MX1: variants seen among roughly 807,000 people sequenced by gnomAD.
MX1 encodes the protein interferon-induced GTP-binding protein Mx1.
MX1 carries 66 observed loss-of-function variants against 66.4 expected under a neutral mutation model. The ratio of observed to expected loss-of-function variants is 0.99; its 90% confidence interval spans 0.82 to 1.22. The LOEUF (loss-of-function observed/expected upper bound fraction) is 1.22. Among genes scored for constraint, MX1 ranks in the 50% most tolerant of loss-of-function variants. MX1 has a pLI of 0.00. For synonymous variants in MX1, 311 were observed against 318.1 expected, an observed-to-expected ratio of 0.98 and a Z score of 0.24; for missense variants, 787 against 834.3, an observed-to-expected ratio of 0.94 and a Z score of 0.70.
In MX1 at chr21:41,451,181, G is replaced by C. The variant is rs760255464; in HGVS notation, c.1447G>C (p.Ala483Pro). ...TCTTTGATTAGATATGGTCCGGCTTGCTTTCACAGATGTTTCGATAAAAAA... is the reference window on the plus strand; with the variant it reads ...TCTTTGATTAGATATGGTCCGGCTTCCTTTCACAGATGTTTCGATAAAAAA... ...LHTVTDMVRLAFTDVSIKNFE... is the reference protein window; with the variant it reads ...LHTVTDMVRLPFTDVSIKNFE... Residue 483 changes from alanine (A) to proline (P), a missense_variant, in exon 15 of 17, where the codon GCT becomes CCT. Coordinates refer to ENST00000398598, the MANE Select transcript of MX1 (RefSeq NM_002462.5). 2 of 1,611,636 alleles carry C rather than the reference G, an allele frequency of 1.2e-6. No homozygotes were observed. The highest frequency in any genetic ancestry group is 1.1e-5 in the South Asian group (1 of 90,954).
chr21:41,421,192 A>G (rs2089989487), intron 1 of MX1: 1 of 152,252 alleles, frequency 6.6e-6, no homozygotes, highest in Admixed American at 6.5e-5. Context: ...AGATATGCAT[A>G]CACATAAACG....
Position 41,458,817 on chromosome 21 carries a change from A to G in MX1, c.*59A>G. The G allele has an allele frequency of 6.4e-7, 1 of 1,565,716 alleles. No homozygotes were observed. Among genetic ancestry groups the G allele is most frequent in the Non-Finnish European group, 8.6e-7 (1 of 1,158,866 alleles). On this transcript the variant is annotated 3_prime_UTR_variant, in exon 17 of 17. Transcript: ENST00000398598. ...ACACTGTCTGCCCCCGTTCCCGGGT[A>G]GCCACTGGACTGACGACTTGAGTGC... is the stretch of plus-strand genomic sequence containing the variant.
intron 12 of MX1, 86 bp downstream of exon 12, chr21:41,445,656 C>T: frequency 6.4e-7 from 1 of 1,551,898 alleles, no homozygotes; most frequent in Non-Finnish European, 8.8e-7. Flanking sequence ...TCCTTCTTCA[C>T]TCCCCCAAGG....
chr21:41,436,050 T>C, intron 6 of MX1, 21 bp downstream of exon 6: 1 of 1,610,594 alleles, frequency 6.2e-7, no homozygotes, highest in Non-Finnish European at 8.5e-7. Flanking sequence ...ACATTCTGTG[T>C]TAGTCTGCTC....
upstream of MX1, chr21:41,423,143 G>A (rs2090010005): frequency 6.5e-6 from 1 of 153,942 alleles, no homozygotes; most frequent in South Asian, 2.0e-4. Context: ...CGAGCCTTTA[G>A]CCCGAATGGG....
chr21:41,430,271 G>A (rs548439371), intron 3 of MX1, among the ~76,000 whole-genome samples: 6 of 152,272 alleles, frequency 3.9e-5, no homozygotes, highest in East Asian at 3.9e-4. Context: ...AGATTCCTGC[G>A]AGGGGAAGCA....
At chr21:41,443,720 C>T (rs1425339681) in intron 10 of MX1, 68 bp from the exon 11 acceptor site, 10 of 1,503,250 alleles carry the variant, frequency 6.7e-6, no homozygotes, top group South Asian at 5.6e-5. Context: ...CTTTCCCCAA[C>T]AGCAAAAAGG....
chr21:41,444,277 G>A (rs2082116479), intron 11 of MX1, among the ~76,000 whole-genome samples: 1 of 142,856 alleles, frequency 7.0e-6, no homozygotes, highest in South Asian at 2.2e-4. Context: ...CCTGAATATA[G>A]TGTCTTCCTT....
intron 1 of MX1, chr21:41,426,688 T>C (rs1052048752): frequency 6.6e-6 from 1 of 152,224 alleles, no homozygotes; most frequent in Non-Finnish European, 1.5e-5. Flanking sequence ...TTCCGTCGAC[T>C]TCTATTTCCT....
At chr21:41,437,302 C>G (rs945992228) in intron 7 of MX1, 150 bp downstream of exon 7, 1 of 799,576 alleles carries the variant, frequency 1.3e-6, no homozygotes, top group Non-Finnish European at 2.0e-6. Flanking sequence ...CTTCTTTTAC[C>G]TCATTATGAC....
chr21:41,439,892 T>TG (rs753577485), intron 8 of MX1, 44 bp downstream of exon 8: 15 of 1,064,362 alleles, frequency 1.4e-5, no homozygotes, highest in Non-Finnish European at 6.5e-6. Context: ...GGCGTGGGGA[T>TG]GGGGGAGTGG....
At chr21:41,443,673 A>C in intron 10 of MX1, 115 bp from the exon 11 acceptor site, 1 of 876,722 alleles carries the variant, frequency 1.1e-6, no homozygotes. Flanking sequence ...ACTGCAAGAC[A>C]TTCCATCCAG....
chr21:41,453,695 AT>A (rs1427945454), intron 16 of MX1, among the ~76,000 whole-genome samples: 1 of 152,182 alleles, frequency 6.6e-6, no homozygotes, highest in Admixed American at 6.5e-5. Flanking sequence ...ATGCAGTTTG[AT>A]TTTATACATT....
At chr21:41,455,766 G>A (rs2090943463) in intron 16 of MX1, among the ~76,000 whole-genome samples, 1 of 152,222 alleles carries the variant, frequency 6.6e-6, no homozygotes, top group South Asian at 2.1e-4. Context: ...TATGGATGTG[G>A]TATATTGAGC....
At chr21:41,458,469 C>A (rs751854694) in intron 16 of MX1, 59 bp from the exon 17 acceptor site, 7 of 1,598,442 alleles carry the variant, frequency 4.4e-6, no homozygotes, top group Non-Finnish European at 6.0e-6. Flanking sequence ...ATGGTGAGGT[C>A]AGAGTCCCCT....
chr21:41,428,183 G>A (rs916710340), intron 3 of MX1: 8 of 152,222 alleles, frequency 5.3e-5, no homozygotes, highest in African/African-American at 1.7e-4. Flanking sequence ...TGGGATTACA[G>A]GCACGAGCCA....
intron 16 of MX1, among the ~76,000 whole-genome samples, chr21:41,456,112 C>G (rs549510195): frequency 6.6e-6 from 1 of 152,264 alleles, no homozygotes; most frequent in South Asian, 2.1e-4. Flanking sequence ...TGCATGGTGG[C>G]CCATGCCTAT....
chr21:41,451,381 GC>G, intron 15 of MX1, 138 bp downstream of exon 15: 1 of 683,202 alleles, frequency 1.5e-6, no homozygotes, highest in South Asian at 1.7e-5. Context: ...ACTCACTAGT[GC>G]TTCTTCTGAT....
upstream of MX1, among the ~76,000 whole-genome samples, chr21:41,425,194 A>G (rs1221538103): frequency 1.3e-5 from 2 of 152,182 alleles, no homozygotes; most frequent in Admixed American, 1.3e-4. Flanking sequence ...ATGGCTGTGT[A>G]TTTCACCTGG....
Sources: gnomAD v4.1 joint callset for allele counts (sites outside exome capture counted in the v4.1 genomes callset) on GRCh38, gnomAD v4.1.1 for gene constraint, MANE v1.5 for transcripts, NCBI Gene and HGNC (gene_info 2026-07-23, HGNC 2026-07-21) for gene names.